HMCES: variants seen among roughly 807,000 people sequenced by gnomAD.
The protein encoded by HMCES is abasic site processing protein HMCES.
Under a neutral mutation model 35.1 loss-of-function variants are expected in HMCES, and 27 were observed. The observed-to-expected ratio is 0.77, with a 90% CI of 0.57 to 1.06. The LOEUF is 1.06. HMCES is among the 50% of genes least tolerant of loss of function. HMCES has a pLI of 0.00. For missense variants in HMCES, 391 were observed against 430.4 expected (o/e 0.91, Z 0.81); for synonymous variants, 130 against 154.7 (o/e 0.84, Z 1.18).
intron 2 of HMCES, among the ~76,000 whole-genome samples, chr3:129,284,642 C>T (rs1242916447): frequency 1.3e-5 from 2 of 152,280 alleles, no homozygotes; most frequent in East Asian, 3.9e-4. Flanking sequence ...CAGTGGCTCA[C>T]ACCTGTAGTC....
chr3:129,299,118 A>G (rs1440389206), intron 5 of HMCES, among the ~76,000 whole-genome samples: 1 of 152,232 alleles, frequency 6.6e-6, no homozygotes, highest in African/African-American at 2.4e-5. Flanking sequence ...ACTGCACCCC[A>G]GCCTGGGTGA....
chr3:129,294,355 G>A (rs898426707), intron 4 of HMCES, among the ~76,000 whole-genome samples: 5 of 152,046 alleles, frequency 3.3e-5, no homozygotes, highest in African/African-American at 1.2e-4. Context: ...CCCGGGAGGC[G>A]GAGCTTGCAG....
chr3:129,287,188 GT>G (rs201715773), intron 2 of HMCES, among the ~76,000 whole-genome samples: 2 of 150,472 alleles, frequency 1.3e-5, no homozygotes, highest in African/African-American at 5.0e-5. Context: ...TATGTACAGT[GT>G]TTTTGTTTTT....
At chr3:129,304,512 CCT>C (rs58154059) in intron 6 of HMCES, 75 bp from the exon 7 acceptor site, 16,105 of 1,246,692 alleles carry the variant, frequency 0.013, 694 homozygotes, top group South Asian at 0.093. Flanking sequence ...TGCCTCTTCC[CCT>C]GTTTCTTCCC....
chr3:129,301,190 T>TAAA (rs2071162912), intron 5 of HMCES, among the ~76,000 whole-genome samples: 2 of 51,638 alleles, frequency 3.9e-5, no homozygotes, highest in Admixed American at 2.6e-4. Flanking sequence ...AGACTCTGTC[T>TAAA]CAAAAAAAAA....
intron 4 of HMCES, among the ~76,000 whole-genome samples, chr3:129,297,230 T>C (rs1576990820): frequency 6.6e-6 from 1 of 152,094 alleles, no homozygotes; most frequent in Non-Finnish European, 1.5e-5. Context: ...TGCTTCTGCT[T>C]GTCACTTAAT....
At chr3:129,302,649 G>A (rs1453416427) in intron 6 of HMCES, among the ~76,000 whole-genome samples, 3 of 152,088 alleles carry the variant, frequency 2.0e-5, no homozygotes, top group Non-Finnish European at 2.9e-5. Context: ...CCTGGGAGGT[G>A]GAGGTTGCAG....
intron 2 of HMCES, among the ~76,000 whole-genome samples, 183 bp from the exon 3 acceptor site, chr3:129,288,671 G>T (rs913298107): frequency 1.3e-5 from 2 of 152,052 alleles, no homozygotes; most frequent in Non-Finnish European, 2.9e-5. Flanking sequence ...ACTCCAGCCT[G>T]GATGACAGAG....
At chr3:129,282,015 G>A (rs1940506698) in intron 2 of HMCES, among the ~76,000 whole-genome samples, 1 of 151,914 alleles carries the variant, frequency 6.6e-6, no homozygotes, top group East Asian at 1.9e-4. Flanking sequence ...CATTTTTAGA[G>A]GATGCATACT....
chr3:129,293,607 G>T (rs1576987438), intron 4 of HMCES, among the ~76,000 whole-genome samples: 2 of 85,238 alleles, frequency 2.3e-5, no homozygotes. Flanking sequence ...TTTCACTCTT[G>T]TTGCCCAGGA....
rs755815152 is a variant in HMCES, at chr3:129,298,496, C to T, written c.596C>T (p.Thr199Ile). The part of the protein sequence containing the change: ...GDVLYSYTII[T>I]VDSCKGLSDI... Reference sequence around the variant, plus strand: ...GTCCTGTATTCCTATACCATCATCACAGTGGATTCCTGCAAAGGCTTGAGT... The same window carrying T: ...GTCCTGTATTCCTATACCATCATCATAGTGGATTCCTGCAAAGGCTTGAGT... Residue 199 changes from threonine to isoleucine, a missense_variant, in exon 5 of 7, where the codon ACA (threonine) becomes ATA (isoleucine). Coordinates refer to ENST00000383463, the MANE Select transcript of HMCES (RefSeq NM_020187.3). The T allele has an allele frequency of 1.1e-5, 17 of 1,614,052 alleles. No homozygotes were observed. The highest frequency in any genetic ancestry group is 2.7e-5 in the African/African-American group (2 of 74,926).
At chr3:129,293,132 A>T (rs184525993) in intron 4 of HMCES, among the ~76,000 whole-genome samples, 85 of 152,272 alleles carry the variant, frequency 5.6e-4, no homozygotes, top group African/African-American at 2.0e-3. Flanking sequence ...AAGCGGAGGG[A>T]GTTTCACTGT....
At chr3:129,301,879 C>T in intron 5 of HMCES, 71 bp from the exon 6 acceptor site, 1 of 1,280,198 alleles carries the variant, frequency 7.8e-7, no homozygotes. Context: ...TCAGCTGACT[C>T]AAGTCTCTCT....
At chr3:129,295,416 GAC>G (rs982556365) in intron 4 of HMCES, among the ~76,000 whole-genome samples, 40 of 146,966 alleles carry the variant, frequency 2.7e-4, no homozygotes, top group African/African-American at 9.1e-4. Context: ...CAGCCTAGGT[GAC>G]ACAGTGAGAC....
chr3:129,278,887 C>A lies in HMCES; in HGVS notation c.-42C>A, dbSNP rs867263791. The A allele has an allele frequency of 2.7e-5, 4 of 147,820 alleles. No homozygotes were observed. The highest frequency in any genetic ancestry group is 1.0e-4 in the African/African-American group (4 of 39,662). The allele number at this position is 147,820 out of a possible 1,614,324, so 9.2% of individuals were successfully genotyped here. A position where few individuals can be genotyped will look rare whatever the true frequency, so the allele number is the denominator to read the frequency against. On this transcript the variant is annotated 5_prime_UTR_variant, in exon 1 of 7. Transcript: ENST00000383463. ...GGGTGAGGAGAGTCGAGGGAGGTGA[C>A]GCGCGCTGCCGGGGCGAGGTGAGGG...
At chr3:129,303,561 C>T (rs965428930) in intron 6 of HMCES, among the ~76,000 whole-genome samples, 2 of 152,184 alleles carry the variant, frequency 1.3e-5, no homozygotes, top group Non-Finnish European at 2.9e-5. Context: ...GCATTATATA[C>T]TTCCTAGCCG....
intron 2 of HMCES, among the ~76,000 whole-genome samples, chr3:129,286,630 T>C (rs1940645237): frequency 6.6e-6 from 1 of 152,238 alleles, no homozygotes; most frequent in Non-Finnish European, 1.5e-5. Flanking sequence ...CTCTGTTCAG[T>C]AGTACCATCA....
At chr3:129,296,653 A>T (rs1576990366) in intron 4 of HMCES, among the ~76,000 whole-genome samples, 1 of 152,320 alleles carries the variant, frequency 6.6e-6, no homozygotes, top group South Asian at 2.1e-4. Flanking sequence ...GAGATTAATA[A>T]TATTTATGTC....
At chr3:129,303,416 T>G (rs370793910) in intron 6 of HMCES, among the ~76,000 whole-genome samples, 7 of 152,334 alleles carry the variant, frequency 4.6e-5, no homozygotes, top group African/African-American at 1.7e-4. Flanking sequence ...TCTGATAAAC[T>G]CCTGCAACCG....
Sources: allele counts gnomAD v4.1 joint callset (sites outside exome capture counted in the v4.1 genomes callset), GRCh38; gene constraint gnomAD v4.1.1; transcripts MANE v1.5; gene names NCBI Gene and HGNC (gene_info 2026-07-23, HGNC 2026-07-21).